The following DMD variants were observed in gnomAD, a reference collection of about 807,000 sequenced individuals.
DMD encodes dystrophin.
In DMD, 63 loss-of-function variants were observed where a neutral mutation model predicts 330.1. That is an observed-to-expected ratio of 0.19 (90% CI 0.16 to 0.24). The LOEUF is 0.24. Among genes scored for constraint, DMD ranks in the 10% least tolerant of loss-of-function variants. DMD has a pLI of 1.00. For synonymous variants in DMD, 1,223 were observed against 959.8 expected (o/e 1.27, Z -5.07); for missense variants, 3,344 against 2,684.1 (o/e 1.25, Z -5.43).
chrX:32,796,771 T>C (rs1359862883), intron 7 of DMD, among the ~76,000 whole-genome samples: 1 of 111,863 alleles, frequency 8.9e-6, no homozygotes, highest in Admixed American at 9.5e-5. Context: ...AGAGAATAAA[T>C]CTAAGAGGAT....
intron 7 of DMD, among the ~76,000 whole-genome samples, chrX:32,750,689 G>A (rs1267280435): frequency 9.0e-6 from 1 of 110,778 alleles, no homozygotes; most frequent in Non-Finnish European, 1.9e-5. Context: ...GCAGTGGATT[G>A]AGAACTTGTC....
At chrX:32,552,227 C>A (rs1038196702) in intron 16 of DMD, among the ~76,000 whole-genome samples, 9 of 111,750 alleles carry the variant, frequency 8.1e-5, no homozygotes, top group Non-Finnish European at 1.5e-4. Flanking sequence ...GCAAACTATA[C>A]TACAAGGATA....
intron 21 of DMD, among the ~76,000 whole-genome samples, chrX:32,475,191 T>C (rs2041098503): frequency 9.0e-6 from 1 of 111,260 alleles, no homozygotes; most frequent in African/African-American, 3.3e-5. Context: ...TTCTGGGTTC[T>C]CTATTCTGTT....
intron 43 of DMD, among the ~76,000 whole-genome samples, chrX:32,235,033 G>A (rs192146972): frequency 1.3e-4 from 15 of 111,809 alleles, no homozygotes; most frequent in Non-Finnish European, 2.3e-4. Flanking sequence ...CAATTTTTCC[G>A]TGGACCGGGT....
intron 44 of DMD, among the ~76,000 whole-genome samples, chrX:32,062,478 C>T (rs974481499): frequency 5.4e-5 from 6 of 110,328 alleles, no homozygotes; most frequent in East Asian, 2.8e-4. Context: ...TATTAAAACA[C>T]GTTCATATGA....
In DMD at chrX:31,333,934, C is replaced by CT. The variant is rs374127684; in HGVS notation, c.9164-10277dup. Reference sequence around the variant, plus strand: ...CGAAACTGGAAAGGGAGATATTCATCTTTTTTTTTTTTTTTGGATACAGAG... The same window carrying CT: ...CGAAACTGGAAAGGGAGATATTCATCTTTTTTTTTTTTTTTTGGATACAGAG... On this transcript the variant is annotated intron_variant, in intron 61 of 78. Coordinates refer to ENST00000357033, the MANE Select transcript of DMD (RefSeq NM_004006.3). 6.3e-3 allele frequency among the ~76,000 whole-genome samples: 649 copies of CT among 102,888 alleles called. 4 individuals carry two copies. The highest frequency in any genetic ancestry group is 0.012 in the African/African-American group (340 of 28,392). The allele number at this position is 102,888 out of a possible 115,157, so 89.3% of individuals were successfully genotyped here.
intron 17 of DMD, among the ~76,000 whole-genome samples, chrX:32,528,759 C>T (rs1277942641): frequency 9.0e-6 from 1 of 110,850 alleles, no homozygotes; most frequent in African/African-American, 3.3e-5. Flanking sequence ...TGTCTTATCT[C>T]AACCCAAACA....
chrX:32,696,763 T>C (rs1040261121), intron 9 of DMD, among the ~76,000 whole-genome samples: 5 of 111,086 alleles, frequency 4.5e-5, no homozygotes, highest in Non-Finnish European at 7.5e-5. Flanking sequence ...CCTTAAGTCT[T>C]GGTGATTTCA....
At chrX:31,456,836 ATGTGTGTGTGTGTGTGTGTG>A (rs5901988) in intron 59 of DMD, among the ~76,000 whole-genome samples, 1 of 83,265 alleles carries the variant, frequency 1.2e-5, no homozygotes, top group East Asian at 4.0e-4. Flanking sequence ...GCCCACATAT[ATGTGTGTGTGTGTGTGTGTG>A]TGTGTGTGTG....
chrX:33,036,930 G>A (rs997404652), intron 1 of DMD, among the ~76,000 whole-genome samples: 1 of 110,519 alleles, frequency 9.0e-6, no homozygotes, highest in African/African-American at 3.3e-5. Context: ...ATAAATATAA[G>A]GGAATGTTGG....
intron 21 of DMD, among the ~76,000 whole-genome samples, chrX:32,473,836 T>A (rs2040915723): frequency 9.0e-6 from 1 of 111,175 alleles, no homozygotes. Context: ...GATGCATTTA[T>A]TTTTTATTTT....
Position 32,339,496 on chromosome X carries a change from C to T in DMD, c.5922+2604G>A, listed in dbSNP as rs770762612. On this transcript the variant is annotated intron_variant, in intron 41 of 78. Transcript: ENST00000357033. ...ATCATCTCCAGGTTTGCCCTGAGGA[C>T]CACAATTTGCAGATACCCTCTACTA... Among the ~76,000 whole-genome samples, 144 of 111,553 alleles carry T rather than the reference C, an allele frequency of 1.3e-3. 1 individual carries two copies. Among genetic ancestry groups the T allele is most frequent in the Non-Finnish European group, 2.3e-3 (121 of 53,079 alleles).
chrX:32,083,547 A>G (rs1305789650), intron 44 of DMD, among the ~76,000 whole-genome samples: 1 of 111,589 alleles, frequency 9.0e-6, no homozygotes, highest in Admixed American at 9.5e-5. Context: ...GTGAGCCACC[A>G]TGCCTGGCCC....
At chrX:32,259,393 A>G (rs1219516537) in intron 43 of DMD, among the ~76,000 whole-genome samples, 1 of 111,289 alleles carries the variant, frequency 9.0e-6, no homozygotes, top group Non-Finnish European at 1.9e-5. Flanking sequence ...ATGTATTTTA[A>G]TACAAATACC....
rs928125023 is a variant in DMD, at chrX:32,959,008, C to T, written c.93+61131G>A. 9.0e-5 allele frequency among the ~76,000 whole-genome samples: 10 copies of T among 111,127 alleles called. No homozygotes were observed. In the South Asian group the frequency reaches 3.4e-3, roughly 38 times the overall value. On this transcript the variant is annotated intron_variant, in intron 2 of 78. Transcript: ENST00000357033. ...ATTTTTAATATGTCTAAAGGTAATA[C>T]ATTTAATGAACTATACAATATTTAT...
At chrX:31,659,920 GTTC>G (rs1439290551) in intron 53 of DMD, among the ~76,000 whole-genome samples, 3 of 111,190 alleles carry the variant, frequency 2.7e-5, no homozygotes, top group Non-Finnish European at 5.7e-5. Flanking sequence ...TTTAATATTT[GTTC>G]TTTTGCGTTA....
At chrX:32,620,404 G>T (rs756900905) in intron 11 of DMD, among the ~76,000 whole-genome samples, 31 of 111,970 alleles carry the variant, frequency 2.8e-4, no homozygotes, top group African/African-American at 9.4e-4. Flanking sequence ...CTTCCAATAT[G>T]CATTTCATAT....
chrX:32,540,240 C>T (rs1272944152), intron 17 of DMD, among the ~76,000 whole-genome samples: 1 of 111,074 alleles, frequency 9.0e-6, no homozygotes, highest in Non-Finnish European at 1.9e-5. Context: ...CACTGAATTG[C>T]AGGAATAATT....
chrX:31,166,274 A>G (rs762968487), intron 74 of DMD, among the ~76,000 whole-genome samples: 71 of 111,680 alleles, frequency 6.4e-4, no homozygotes, highest in African/African-American at 2.2e-3. Context: ...TCAAACAGCC[A>G]TCCTCTGTTT....
Sources: allele counts gnomAD v4.1 joint callset (sites outside exome capture counted in the v4.1 genomes callset), GRCh38; gene constraint gnomAD v4.1.1; transcripts MANE v1.5; gene names NCBI Gene and HGNC (gene_info 2026-07-23, HGNC 2026-07-21).